ANKS1B: variants seen among roughly 807,000 people sequenced by gnomAD.
ANKS1B encodes the protein ankyrin repeat and sterile alpha motif domain-containing protein 1B.
A neutral mutation model predicts 148.3 loss-of-function variants in ANKS1B; 36 were observed. The observed-to-expected ratio is 0.24, with a 90% CI of 0.19 to 0.32. The LOEUF (loss-of-function observed/expected upper bound fraction) is 0.32, where lower values mean the gene tolerates loss of function less well. Ranked by LOEUF, ANKS1B falls within the 10% of genes least tolerant of loss-of-function variation. The pLI is 1.00. For missense variants in ANKS1B, 1,157 were observed against 1,542.6 expected (o/e 0.75, Z 4.19); for synonymous variants, 542 against 560.8 (o/e 0.97, Z 0.47).
chr12:99,482,322 A>C (rs566905837), intron 10 of ANKS1B, among the ~76,000 whole-genome samples: 1 of 152,020 alleles, frequency 6.6e-6, no homozygotes, highest in Non-Finnish European at 1.5e-5. Context: ...CTGCTTTGTC[A>C]AAATCACTTG....
chr12:98,890,918 C>T (rs977761660), intron 17 of ANKS1B, among the ~76,000 whole-genome samples: 1 of 152,186 alleles, frequency 6.6e-6, no homozygotes, highest in African/African-American at 2.4e-5. Context: ...TCCCATGTGT[C>T]TCAGAGGCTG....
chr12:99,170,095 A>C (rs2077593115), intron 14 of ANKS1B, among the ~76,000 whole-genome samples: 1 of 152,234 alleles, frequency 6.6e-6, no homozygotes, highest in Non-Finnish European at 1.5e-5. Flanking sequence ...GCAGGAGGAA[A>C]TAACAAGAGG....
chr12:99,929,875 G>A (rs1160230683), intron 1 of ANKS1B, among the ~76,000 whole-genome samples: 25 of 151,274 alleles, frequency 1.7e-4, no homozygotes, highest in Non-Finnish European at 3.3e-4. Context: ...TTTGGTACCA[G>A]TACCATGCTG....
chr12:99,118,928 C>A (rs892718049), intron 15 of ANKS1B, among the ~76,000 whole-genome samples: 1 of 152,088 alleles, frequency 6.6e-6, no homozygotes, highest in Non-Finnish European at 1.5e-5. Context: ...GGGGTAACAA[C>A]AATAGCAGCA....
intron 17 of ANKS1B, among the ~76,000 whole-genome samples, chr12:99,037,161 T>C (rs2099956076): frequency 6.6e-6 from 1 of 152,212 alleles, no homozygotes; most frequent in Admixed American, 6.5e-5. Context: ...CAAAGAGCTG[T>C]CCACTTGAAA....
intron 17 of ANKS1B, among the ~76,000 whole-genome samples, chr12:98,866,638 G>A (rs1003910115): frequency 1.3e-5 from 2 of 151,992 alleles, no homozygotes; most frequent in African/African-American, 4.8e-5. Context: ...TTCACCTTTG[G>A]GACACTGCTT....
intron 9 of ANKS1B, among the ~76,000 whole-genome samples, chr12:99,611,014 G>A (rs1219227974): frequency 6.6e-6 from 1 of 151,974 alleles, no homozygotes; most frequent in African/African-American, 2.4e-5. Flanking sequence ...CATAAGTTTA[G>A]GAAATTCTCC....
intron 11 of ANKS1B, among the ~76,000 whole-genome samples, chr12:99,429,789 C>T (rs1359414871): frequency 3.3e-5 from 5 of 151,620 alleles, no homozygotes; most frequent in Non-Finnish European, 5.9e-5. Context: ...CGGTGAAACC[C>T]TGTCTCTACT....
At chr12:99,431,125 A>G (rs1457817912) in intron 11 of ANKS1B, among the ~76,000 whole-genome samples, 1 of 152,214 alleles carries the variant, frequency 6.6e-6, no homozygotes, top group African/African-American at 2.4e-5. Flanking sequence ...AAAGGCGAAA[A>G]TATAGGTCCT....
intron 17 of ANKS1B, among the ~76,000 whole-genome samples, chr12:98,905,022 A>G (rs1188904282): frequency 1.3e-5 from 2 of 152,304 alleles, no homozygotes; most frequent in Admixed American, 6.5e-5. Flanking sequence ...AGCAGTTATA[A>G]GACGCAAGTT....
intron 17 of ANKS1B, among the ~76,000 whole-genome samples, chr12:98,996,812 CAAAAAAAAAAA>C (rs1160748107): frequency 4.9e-5 from 2 of 40,628 alleles, no homozygotes; most frequent in South Asian, 1.6e-3. Context: ...GACTCTATCT[CAAAAAAAAAAA>C]AAAAAAAAAA....
At chr12:98,983,867 T>G (rs1359861216) in intron 17 of ANKS1B, among the ~76,000 whole-genome samples, 8 of 152,248 alleles carry the variant, frequency 5.3e-5, no homozygotes, top group African/African-American at 1.9e-4. Flanking sequence ...TCTCCACTTT[T>G]GGTTTCACCC....
chr12:99,105,777 A>G (rs1249349955), intron 15 of ANKS1B, among the ~76,000 whole-genome samples: 2 of 151,744 alleles, frequency 1.3e-5, no homozygotes, highest in African/African-American at 4.8e-5. Context: ...TCAAAAAAAA[A>G]AAAAAAAAAA....
chr12:99,392,385 C>T (rs987607110), intron 12 of ANKS1B, among the ~76,000 whole-genome samples: 5 of 152,238 alleles, frequency 3.3e-5, no homozygotes, highest in Non-Finnish European at 2.9e-5. Context: ...TGCAGAAAAG[C>T]GTCCTATGCT....
chr12:98,784,662 C>T (rs1030723731), intron 22 of ANKS1B, among the ~76,000 whole-genome samples: 7 of 152,210 alleles, frequency 4.6e-5, no homozygotes, highest in African/African-American at 1.7e-4. Flanking sequence ...AAAGCTGGAA[C>T]AACAGGCAGG....
intron 9 of ANKS1B, among the ~76,000 whole-genome samples, chr12:99,548,555 T>A (rs1353673696): frequency 4.6e-5 from 7 of 152,118 alleles, no homozygotes; most frequent in Admixed American, 1.3e-4. Flanking sequence ...TAATATATTA[T>A]TTCAGATATT....
intron 17 of ANKS1B, among the ~76,000 whole-genome samples, chr12:98,961,976 A>T (rs1252846185): frequency 6.6e-6 from 1 of 152,024 alleles, no homozygotes; most frequent in Non-Finnish European, 1.5e-5. Flanking sequence ...CACCTTTACT[A>T]AAAGGAAGAA....
chr12:98,871,885 C>G (rs1295006385), intron 17 of ANKS1B, among the ~76,000 whole-genome samples: 1 of 152,166 alleles, frequency 6.6e-6, no homozygotes, highest in Non-Finnish European at 1.5e-5. Flanking sequence ...AAAGCTTGTA[C>G]ACTGTCACAT....
At chr12:99,678,378 C>A (rs2098594220) in intron 8 of ANKS1B, among the ~76,000 whole-genome samples, 1 of 152,158 alleles carries the variant, frequency 6.6e-6, no homozygotes, top group Non-Finnish European at 1.5e-5. Flanking sequence ...TAGAAAGAAC[C>A]TGGAATCATC....
Sources: allele counts gnomAD v4.1 joint callset (sites outside exome capture counted in the v4.1 genomes callset), GRCh38; gene constraint gnomAD v4.1.1; transcripts MANE v1.5; gene names NCBI Gene and HGNC (gene_info 2026-07-23, HGNC 2026-07-21).